Variants in P4HA2 observed in about 807,000 individuals in gnomAD.
The protein encoded by P4HA2 is prolyl 4-hydroxylase subunit alpha-2.
Under a neutral mutation model 76.9 loss-of-function variants are expected in P4HA2, and 46 were observed. The ratio of observed to expected loss-of-function variants is 0.60; its 90% CI spans 0.47 to 0.76. The LOEUF (loss-of-function observed/expected upper bound fraction) is 0.76, where lower values mean the gene tolerates loss of function less well. Among genes scored for constraint, P4HA2 ranks in the 30% least tolerant of loss-of-function variants. The pLI, the probability that P4HA2 is intolerant of heterozygous loss-of-function variation, is 0.00. For missense variants in P4HA2, 583 were observed against 669.4 expected, an observed-to-expected ratio of 0.87 and a Z score of 1.42; for synonymous variants, 243 against 254.0, an observed-to-expected ratio of 0.96 and a Z score of 0.41.
chr5:132,207,664 CT>C (rs1263867348), intron 8 of P4HA2, 43 bp downstream of exon 8: 14 of 1,561,716 alleles, frequency 9.0e-6, no homozygotes, highest in Non-Finnish European at 1.2e-5. Flanking sequence ...GAAAAAGGAC[CT>C]TCCCCCTTCA....
Position 132,213,410 on chromosome 5 carries a change from G to A in P4HA2, c.469+506C>T, listed in dbSNP as rs568291522. ...AGAGATGAATCAGCAGCAAAGACTC[G>A]AAAGACTCTCAGATACCGAGGGAGG... On this transcript the variant is annotated intron_variant, in intron 5 of 14. Transcript: ENST00000360568. Among the ~76,000 whole-genome samples the A allele has an allele frequency of 1.6e-4, 25 of 152,248 alleles. No individual in the cohort carries two copies. In the South Asian group the frequency reaches 4.4e-3, roughly 27 times the overall value.
chr5:132,223,381 G>A (rs926127045), intron 1 of P4HA2, among the ~76,000 whole-genome samples: 1 of 152,166 alleles, frequency 6.6e-6, no homozygotes, highest in African/African-American at 2.4e-5. Context: ...TCCTGCCTCA[G>A]CCTCCTGAGT....
At chr5:132,208,794 A>G (rs575093044) in intron 7 of P4HA2, among the ~76,000 whole-genome samples, 1 of 151,794 alleles carries the variant, frequency 6.6e-6, no homozygotes, top group South Asian at 2.1e-4. Flanking sequence ...ACAGAGACTT[A>G]CTCTCCACTT....
At chr5:132,212,398 G>A (rs950025513) in intron 5 of P4HA2, among the ~76,000 whole-genome samples, 1 of 152,158 alleles carries the variant, frequency 6.6e-6, no homozygotes, top group Non-Finnish European at 1.5e-5. Flanking sequence ...TGTGAGGCTG[G>A]AGTCAGGGGA....
chr5:132,192,757 G>C lies in P4HA2; in HGVS notation c.*253C>G. The C allele has an allele frequency of 4.6e-6, 2 of 434,922 alleles. No homozygotes were observed. The highest frequency in any genetic ancestry group is 4.1e-6 in the Non-Finnish European group (1 of 243,272). 26.9% of individuals were successfully genotyped at this position (434,922 alleles called of 1,614,324 possible). Reference sequence around the variant, plus strand: ...AACACCTGAGGTACAAAGGCACCTTGCTAGGCGCTAGACAGCTAACTCTGC... The same window carrying C: ...AACACCTGAGGTACAAAGGCACCTTCCTAGGCGCTAGACAGCTAACTCTGC... On this transcript the variant is annotated 3_prime_UTR_variant, in exon 15 of 15. Transcript: ENST00000360568.
intron 5 of P4HA2, among the ~76,000 whole-genome samples, chr5:132,210,965 C>T (rs1753004390): frequency 6.6e-6 from 1 of 152,162 alleles, no homozygotes; most frequent in South Asian, 2.1e-4. Context: ...AAATAGCTTG[C>T]AGGAACTCTG....
intron 1 of P4HA2, among the ~76,000 whole-genome samples, chr5:132,223,192 T>C (rs994533746): frequency 6.6e-6 from 1 of 152,196 alleles, no homozygotes; most frequent in Admixed American, 6.5e-5. Flanking sequence ...CCTCATAGGG[T>C]AACCAAGTAC....
chr5:132,211,639 C>CT (rs1753107284), intron 5 of P4HA2, among the ~76,000 whole-genome samples: 1 of 152,176 alleles, frequency 6.6e-6, no homozygotes, highest in Non-Finnish European at 1.5e-5. Flanking sequence ...CCTGGAGCCC[C>CT]TTTTCCTTCT....
At chr5:132,214,412 G>A (rs560234998) in intron 4 of P4HA2, among the ~76,000 whole-genome samples, 73 of 152,184 alleles carry the variant, frequency 4.8e-4, no homozygotes, top group African/African-American at 1.7e-3. Context: ...AGAAGAGCAC[G>A]GGAGAGGACT....
intron 12 of P4HA2, among the ~76,000 whole-genome samples, chr5:132,196,860 CAAAAA>C (rs34410092): frequency 4.0e-5 from 4 of 99,998 alleles, no homozygotes; most frequent in East Asian, 3.2e-4. Flanking sequence ...GAGTCTGTCT[CAAAAA>C]AAAAAAAAAA....
At chr5:132,209,013 G>T in intron 7 of P4HA2, 125 bp downstream of exon 7, 1 of 695,796 alleles carries the variant, frequency 1.4e-6, no homozygotes, top group Non-Finnish European at 2.5e-6. Context: ...GAGATGCCAT[G>T]AAAAACTGGG....
rs752633350 is a variant in P4HA2, at chr5:132,207,846, G to A, written c.942C>T (p.His314=). Residue 314 remains histidine, a synonymous_variant, in exon 8 of 15, where the codon CAC becomes CAT. Transcript: ENST00000360568. The stretch of plus-strand genomic sequence containing the variant: ...GCAGCTGTGGGGCCCTGTTGCCATG[G>A]TGGTACCTACAGAAAAGCCTCTTCT... ...RRQKRLFCRY[H]HGNRAPQLLI... 2 of 1,602,264 alleles carry A rather than the reference G, an allele frequency of 1.2e-6. No individual in the cohort carries two copies. Among genetic ancestry groups the A allele is most frequent in the Non-Finnish European group, 8.5e-7 (1 of 1,174,544 alleles).
chr5:132,199,134 AG>A (rs1751130224), intron 10 of P4HA2, among the ~76,000 whole-genome samples: 1 of 152,222 alleles, frequency 6.6e-6, no homozygotes, highest in Non-Finnish European at 1.5e-5. Flanking sequence ...TCCAAGAGTA[AG>A]GCTGCGGCAC....
At chr5:132,220,794 A>T (rs887563856) in intron 1 of P4HA2, among the ~76,000 whole-genome samples, 5 of 151,440 alleles carry the variant, frequency 3.3e-5, no homozygotes, top group Admixed American at 2.0e-4. Context: ...AGAATCACAG[A>T]TGGGGTTTGG....
At chr5:132,222,617 A>C (rs1329563076) in intron 1 of P4HA2, among the ~76,000 whole-genome samples, 1 of 152,198 alleles carries the variant, frequency 6.6e-6, no homozygotes, top group Non-Finnish European at 1.5e-5. Flanking sequence ...TGAGTGTGTG[A>C]CCAGGCCCTA....
rs575747706 is a variant in P4HA2, at chr5:132,207,983, G to T, written c.904-99C>A. The T allele has an allele frequency of 5.6e-6, 5 of 891,514 alleles. No individual in the cohort carries two copies. The African/African-American group carries it at 6.9e-5, about 12-fold the overall frequency. 55.2% of individuals were successfully genotyped at this position (891,514 alleles called of 1,614,324 possible). On this transcript the variant is annotated intron_variant, in intron 7 of 14. Coordinates refer to ENST00000360568, the MANE Select transcript of P4HA2 (RefSeq NM_001017974.2). ...CACTGGACTCACCTCATGGCCAGCAGCTGCTCCCTCCCACCACACCACAGA... is the reference window on the plus strand; with the variant it reads ...CACTGGACTCACCTCATGGCCAGCATCTGCTCCCTCCCACCACACCACAGA...
At chr5:132,212,602 G>A (rs909544820) in intron 5 of P4HA2, among the ~76,000 whole-genome samples, 3 of 152,126 alleles carry the variant, frequency 2.0e-5, no homozygotes, top group Admixed American at 1.3e-4. Flanking sequence ...AAGTACAGAT[G>A]TCCCAAAGGC....
intron 12 of P4HA2, among the ~76,000 whole-genome samples, chr5:132,196,697 C>T (rs1334831343): frequency 6.6e-6 from 1 of 151,780 alleles, no homozygotes; most frequent in African/African-American, 2.4e-5. Flanking sequence ...CTCATCTCTA[C>T]TAAAAATACA....
At chr5:132,209,375 T>A in intron 6 of P4HA2, 44 bp from the exon 7 acceptor site, 5 of 1,458,742 alleles carry the variant, frequency 3.4e-6, no homozygotes, top group Non-Finnish European at 4.8e-6. Context: ...ACCACAAACA[T>A]CTGTTAGGTC....
Sources: allele counts gnomAD v4.1 joint callset (sites outside exome capture counted in the v4.1 genomes callset), GRCh38; gene constraint gnomAD v4.1.1; transcripts MANE v1.5; gene names NCBI Gene and HGNC (gene_info 2026-07-23, HGNC 2026-07-21).